The following PCDHA6 variants were observed in gnomAD, a reference collection of about 807,000 sequenced individuals.
The protein encoded by PCDHA6 is protocadherin alpha-6.
A neutral mutation model predicts 60.3 loss-of-function variants in PCDHA6; 55 were observed. The ratio of observed to expected loss-of-function variants is 0.91; its 90% CI spans 0.73 to 1.14. The LOEUF (loss-of-function observed/expected upper bound fraction) is 1.14, where lower values mean the gene tolerates loss of function less well. Ranked by LOEUF, PCDHA6 falls within the 50% of genes most tolerant of loss-of-function variation. The pLI is 0.00. For synonymous variants in PCDHA6, 652 were observed against 557.9 expected (o/e 1.17, Z -2.38); for missense variants, 1,327 against 1,256.5 (o/e 1.06, Z -0.85).
intron 1 of PCDHA6, chr5:140,969,244 G>C: frequency 6.2e-7 from 1 of 1,614,206 alleles, no homozygotes; most frequent in Non-Finnish European, 8.5e-7. Flanking sequence ...AAGCAGCAGT[G>C]ACTGACAGCA....
chr5:140,862,794 G>A (rs1554156969), intron 1 of PCDHA6: 1 of 575,742 alleles, frequency 1.7e-6, no homozygotes, highest in Non-Finnish European at 3.3e-6. Flanking sequence ...ACTACGAGGA[G>A]CTGGAGCTGC....
chr5:140,885,873 T>A (rs1365119411), intron 1 of PCDHA6, among the ~76,000 whole-genome samples: 3 of 152,154 alleles, frequency 2.0e-5, no homozygotes, highest in Admixed American at 6.5e-5. Flanking sequence ...TGAAAAAAAA[T>A]TTTTAGTTTC....
Position 140,829,881 on chromosome 5 carries a change from T to C in PCDHA6, c.1790T>C (p.Val597Ala). 1 of 1,613,934 alleles carries C rather than the reference T, an allele frequency of 6.2e-7. No individual in the cohort carries two copies. Among genetic ancestry groups the C allele is most frequent in the Non-Finnish European group, 8.5e-7 (1 of 1,179,872 alleles). The part of the protein sequence containing the change: ...AGQVVAKVRA[V>A]DADSGYNAWL... ...CAAGTGGTGGCGAAGGTGCGCGCAG[T>C]TGACGCCGACTCAGGCTACAACGCG... Residue 597 changes from valine (V) to alanine (A), a missense_variant, in exon 1 of 4, where the codon GTT becomes GCT. Physicochemically the swap from Val to Ala is moderately conservative, Grantham distance 64. Transcript: ENST00000529310.
At chr5:140,929,721 ATTTACT>A (rs1474734727) in intron 1 of PCDHA6, 3 of 222,378 alleles carry the variant, frequency 1.3e-5, no homozygotes, top group African/African-American at 4.6e-5. Flanking sequence ...AAGGTGAAAC[ATTTACT>A]TAAACTATTG....
At chr5:140,880,944 G>A (rs1256173059) in intron 1 of PCDHA6, among the ~76,000 whole-genome samples, 2 of 152,198 alleles carry the variant, frequency 1.3e-5, no homozygotes, top group African/African-American at 4.8e-5. Context: ...AATGGAGCAG[G>A]AGAGGATGAT....
chr5:140,935,995 C>G (rs1282709145), intron 1 of PCDHA6, among the ~76,000 whole-genome samples: 1 of 150,774 alleles, frequency 6.6e-6, no homozygotes, highest in African/African-American at 2.4e-5. Context: ...CGGGTTCAAG[C>G]GATTCTCCCA....
intron 1 of PCDHA6, chr5:140,968,130 T>C: frequency 6.2e-7 from 1 of 1,614,114 alleles, no homozygotes; most frequent in Non-Finnish European, 8.5e-7. Flanking sequence ...CTGCGTACAC[T>C]GAAGGTTGAG....
chr5:140,866,490 C>T (rs1197584665), intron 1 of PCDHA6: 2 of 152,070 alleles, frequency 1.3e-5, no homozygotes, highest in Admixed American at 1.3e-4. Flanking sequence ...TGATTTGTGA[C>T]CAAATAACTG....
chr5:140,852,721 T>G (rs2042450982), intron 1 of PCDHA6: 1 of 982,810 alleles, frequency 1.0e-6, no homozygotes, highest in South Asian at 4.8e-5. Flanking sequence ...TTTGCACGTT[T>G]TTCAAGTTTC....
chr5:140,881,837 A>G (rs1554172601), intron 1 of PCDHA6, among the ~76,000 whole-genome samples: 1 of 152,238 alleles, frequency 6.6e-6, no homozygotes, highest in Admixed American at 6.5e-5. Flanking sequence ...TTCTGCATGG[A>G]ATTCTTACAC....
chr5:140,941,647 C>T (rs1435033243), intron 1 of PCDHA6, among the ~76,000 whole-genome samples: 2 of 152,002 alleles, frequency 1.3e-5, no homozygotes, highest in South Asian at 2.1e-4. Flanking sequence ...CTTCCTACAA[C>T]TTATGTCCAA....
At chr5:140,928,321 A>C (rs1296238254) in intron 1 of PCDHA6, 2 of 1,614,044 alleles carry the variant, frequency 1.2e-6, no homozygotes, top group African/African-American at 2.7e-5. Context: ...CCTGGGGAAG[A>C]ATGGCCTTGT....
chr5:140,905,947 C>T (rs1210025825), intron 1 of PCDHA6, among the ~76,000 whole-genome samples: 7 of 152,124 alleles, frequency 4.6e-5, no homozygotes, highest in African/African-American at 9.7e-5. Context: ...ACTTGGAATC[C>T]GATGTTCAAG....
chr5:140,833,591 A>G (rs1562331795), intron 1 of PCDHA6, among the ~76,000 whole-genome samples: 1 of 152,352 alleles, frequency 6.6e-6, no homozygotes, highest in East Asian at 1.9e-4. Context: ...AACAGTATAT[A>G]TAGATTCTGC....
intron 1 of PCDHA6, chr5:140,851,271 T>C: frequency 1.9e-6 from 2 of 1,067,438 alleles, no homozygotes; most frequent in South Asian, 8.1e-5. Flanking sequence ...TCTACTTGTA[T>C]TGTTTATAAG....
At chr5:140,872,769 T>C (rs1463790803) in intron 1 of PCDHA6, among the ~76,000 whole-genome samples, 2 of 152,184 alleles carry the variant, frequency 1.3e-5, no homozygotes, top group African/African-American at 2.4e-5. Flanking sequence ...TAGGGCTATA[T>C]TATCTATAAT....
intron 1 of PCDHA6, chr5:140,849,988 G>A (rs2150461736): frequency 1.8e-5 from 29 of 1,597,364 alleles, no homozygotes; most frequent in African/African-American, 4.0e-5. Flanking sequence ...GTGGAGCGGC[G>A]GTTGGGCGAG....
intron 1 of PCDHA6, among the ~76,000 whole-genome samples, chr5:140,971,548 C>T (rs558563294): frequency 6.6e-6 from 1 of 152,246 alleles, no homozygotes; most frequent in African/African-American, 2.4e-5. Context: ...CCAGATCAAC[C>T]TGTTAAATTC....
intron 1 of PCDHA6, among the ~76,000 whole-genome samples, chr5:140,889,020 TG>T (rs1554183734): frequency 1.3e-5 from 2 of 152,126 alleles, no homozygotes; most frequent in Non-Finnish European, 2.9e-5. Context: ...TCTACTTCCT[TG>T]GATAACCGTA....
Sources: allele counts gnomAD v4.1 joint callset (sites outside exome capture counted in the v4.1 genomes callset), GRCh38; gene constraint gnomAD v4.1.1; transcripts MANE v1.5; gene names NCBI Gene and HGNC (gene_info 2026-07-23, HGNC 2026-07-21).